DRC11: variants seen among roughly 807,000 people sequenced by gnomAD.
DRC11 encodes the protein IQ and AAA domain-containing protein 1.
At chr2:236,496,906 C>T in the DRC11 span, among the ~76,000 whole-genome samples, 42 of 152,076 alleles carry the variant, frequency 2.8e-4, no homozygotes, top group Non-Finnish European at 5.6e-4. This position sits in a 1 kb window ranked among gnomAD's most constrained non-coding sequence, Gnocchi z 6.3. Context: ...GCAGACACTA[C>T]GATGTCAGGT....
the DRC11 span, among the ~76,000 whole-genome samples, chr2:236,475,668 G>A: frequency 1.1e-4 from 16 of 152,232 alleles, no homozygotes; most frequent in African/African-American, 2.2e-4. The surrounding 1 kb of genome is among the most constrained non-coding windows in gnomAD (Gnocchi z 4.8). Context: ...GTGCACAAGC[G>A]TTCCTTTTTC....
the DRC11 span, among the ~76,000 whole-genome samples, chr2:236,498,803 G>A: frequency 2.0e-5 from 3 of 152,012 alleles, no homozygotes; most frequent in Non-Finnish European, 4.4e-5. Flanking sequence ...CGCTTTTCCT[G>A]CCAGAGCCAA....
At chr2:236,500,774 C>A in the DRC11 span, among the ~76,000 whole-genome samples, 1 of 152,308 alleles carries the variant, frequency 6.6e-6, no homozygotes, top group Middle Eastern at 3.4e-3. The surrounding 1 kb of genome is among the most constrained non-coding windows in gnomAD (Gnocchi z 6.3). Context: ...GCGATCTCAG[C>A]TCATTCCAAC....
chr2:236,478,321 A>T, the DRC11 span, among the ~76,000 whole-genome samples: 2 of 152,162 alleles, frequency 1.3e-5, no homozygotes, highest in Non-Finnish European at 2.9e-5. The surrounding 1 kb of genome is among the most constrained non-coding windows in gnomAD (Gnocchi z 5.9). Context: ...ATTCAGGAGC[A>T]TGTTGTTTAA....
At chr2:236,320,835 C>A in the DRC11 span, among the ~76,000 whole-genome samples, 3 of 142,924 alleles carry the variant, frequency 2.1e-5, no homozygotes, top group African/African-American at 8.0e-5. Flanking sequence ...TCCGCCGGTA[C>A]CCCCCCGCCC....
the DRC11 span, among the ~76,000 whole-genome samples, chr2:236,318,594 C>T: frequency 6.7e-6 from 1 of 150,130 alleles, no homozygotes; most frequent in Admixed American, 6.6e-5. The surrounding 1 kb of genome is among the most constrained non-coding windows in gnomAD (Gnocchi z 7.0). Flanking sequence ...TACATGTACA[C>T]ATGTGTATGT....
chr2:236,357,641 TA>T, the DRC11 span, among the ~76,000 whole-genome samples: 8 of 85,350 alleles, frequency 9.4e-5, no homozygotes, highest in African/African-American at 2.8e-4. Context: ...ATATAATATG[TA>T]AATATATAAA....
the DRC11 span, among the ~76,000 whole-genome samples, chr2:236,474,885 A>G: frequency 6.6e-6 from 1 of 152,102 alleles, no homozygotes; most frequent in African/African-American, 2.4e-5. Flanking sequence ...GGTATACGTG[A>G]TATTTGGATA....
At chr2:236,357,526 A>G in the DRC11 span, among the ~76,000 whole-genome samples, 1,426 of 127,406 alleles carry the variant, frequency 0.011, 35 homozygotes, top group African/African-American at 0.042. Flanking sequence ...ATATTTATAT[A>G]TTATGAATAT....
chr2:236,414,811 A>G, the DRC11 span, among the ~76,000 whole-genome samples: 1 of 152,226 alleles, frequency 6.6e-6, no homozygotes, highest in Non-Finnish European at 1.5e-5. Context: ...TGAAAAGATC[A>G]AATGCAGGCA....
the DRC11 span, among the ~76,000 whole-genome samples, chr2:236,491,271 T>TATATATATATACAC: frequency 3.0e-5 from 2 of 67,458 alleles, no homozygotes; most frequent in African/African-American, 1.4e-4. Context: ...TATATATATA[T>TATATATATATACAC]ACACACAGTA....
At chr2:236,407,940 GC>G in the DRC11 span, 1 of 526,520 alleles carries the variant, frequency 1.9e-6, no homozygotes, top group Non-Finnish European at 3.8e-6. Context: ...TCTGGGAGCA[GC>G]CATGGCCAAA....
At chr2:236,373,001 G>A in the DRC11 span, among the ~76,000 whole-genome samples, 6 of 151,894 alleles carry the variant, frequency 4.0e-5, no homozygotes, top group East Asian at 1.9e-4. Context: ...TTTGTCTGTC[G>A]TCAATATTTG....
At chr2:236,465,645 C>T in the DRC11 span, 1 of 1,613,846 alleles carries the variant, frequency 6.2e-7, no homozygotes. The surrounding 1 kb of genome is among the most constrained non-coding windows in gnomAD (Gnocchi z 6.2). Context: ...CCTCATTCCG[C>T]AGGCGGTCCA....
the DRC11 span, among the ~76,000 whole-genome samples, chr2:236,459,532 TACGTATACGTATACGTATAC>T: frequency 1.0e-5 from 1 of 96,174 alleles, no homozygotes; most frequent in Non-Finnish European, 2.3e-5. Flanking sequence ...TATACATGTA[TACGTATACGTATACGTATAC>T]ATGTATACGT....
At chr2:236,400,835 C>T in the DRC11 span, among the ~76,000 whole-genome samples, 1 of 152,260 alleles carries the variant, frequency 6.6e-6, no homozygotes, top group Admixed American at 6.5e-5. The surrounding 1 kb of genome is among the most constrained non-coding windows in gnomAD (Gnocchi z 7.9). Flanking sequence ...GCATCAGATC[C>T]AGAGGTATTT....
At chr2:236,485,980 G>T in the DRC11 span, among the ~76,000 whole-genome samples, 5 of 152,194 alleles carry the variant, frequency 3.3e-5, no homozygotes, top group Admixed American at 2.0e-4. Flanking sequence ...GAGTGTGGGT[G>T]GCCCCTATAA....
chr2:236,386,983 TTC>T, the DRC11 span, among the ~76,000 whole-genome samples: 7 of 149,900 alleles, frequency 4.7e-5, no homozygotes, highest in African/African-American at 1.2e-4. Context: ...TTGAGTGAGA[TTC>T]TTAATCCTGA....
chr2:236,453,756 A>C, the DRC11 span, among the ~76,000 whole-genome samples: 2 of 151,840 alleles, frequency 1.3e-5, no homozygotes. The surrounding 1 kb of genome is among the most constrained non-coding windows in gnomAD (Gnocchi z 4.9). Context: ...TCTCCTGCCA[A>C]AGCCTCCTTA....
Sources: allele counts gnomAD v4.1 joint callset (sites outside exome capture counted in the v4.1 genomes callset), GRCh38; gene constraint gnomAD v4.1.1; non-coding constraint Gnocchi (gnomAD v3.1); transcripts MANE v1.5; gene names NCBI Gene and HGNC (gene_info 2026-07-23, HGNC 2026-07-21).